The following PPP1R9A variants were observed in gnomAD, a reference collection of about 807,000 sequenced individuals.
PPP1R9A encodes the protein protein phosphatase 1 regulatory subunit 9A, also known as neurabin-1.
In PPP1R9A, 59 loss-of-function variants were observed where a neutral mutation model predicts 141.9. The observed-to-expected ratio is 0.42, with a 90% CI of 0.34 to 0.52. The LOEUF is 0.52. Among genes scored for constraint, PPP1R9A ranks in the 20% least tolerant of loss-of-function variants. PPP1R9A has a pLI of 0.10. For missense variants in PPP1R9A, 1,444 were observed against 1,611.9 expected (o/e 0.90, Z 1.78); for synonymous variants, 500 against 569.7 (o/e 0.88, Z 1.74).
chr7:95,248,443 A>G (rs1228096543), intron 9 of PPP1R9A, among the ~76,000 whole-genome samples: 2 of 152,080 alleles, frequency 1.3e-5, no homozygotes, highest in Admixed American at 1.3e-4. Flanking sequence ...AAATACGACT[A>G]TACATCATTC....
chr7:95,173,393 A>G (rs577291598), intron 5 of PPP1R9A, among the ~76,000 whole-genome samples: 1 of 152,106 alleles, frequency 6.6e-6, no homozygotes, highest in South Asian at 2.1e-4. Flanking sequence ...CAATATATCC[A>G]TGTAACAAAT....
At chr7:95,062,466 T>G (rs964704213) in intron 2 of PPP1R9A, among the ~76,000 whole-genome samples, 1 of 151,274 alleles carries the variant, frequency 6.6e-6, no homozygotes, top group African/African-American at 2.4e-5. Context: ...TCACCCAGGC[T>G]GGAGTACAGT....
At chr7:95,177,229 A>C (rs1176834401) in intron 5 of PPP1R9A, among the ~76,000 whole-genome samples, 9 of 152,168 alleles carry the variant, frequency 5.9e-5, no homozygotes, top group Admixed American at 5.9e-4. Flanking sequence ...TCCTCAAACA[A>C]AACAATGATC....
intron 5 of PPP1R9A, among the ~76,000 whole-genome samples, chr7:95,181,496 AATAT>A (rs1230216082): frequency 2.2e-5 from 3 of 137,888 alleles, no homozygotes; most frequent in Non-Finnish European, 4.5e-5. Flanking sequence ...ATATATATAG[AATAT>A]ATATAGAGAA....
chr7:95,083,390 G>C lies in PPP1R9A; in HGVS notation c.1396-27869G>C, dbSNP rs561544281. Among the ~76,000 whole-genome samples the C allele has an allele frequency of 1.8e-4, 28 of 152,032 alleles. No individual in the cohort carries two copies. The South Asian group carries it at 4.4e-3, about 24-fold the overall frequency. ...CACATTACATTCTTCAAGGGAGAAG[G>C]GAGGGAGAAGGTTACACAGTAACCT... is the stretch of plus-strand genomic sequence containing the variant. On this transcript the variant is annotated intron_variant, in intron 2 of 19. Coordinates refer to ENST00000433360, the MANE Select transcript of PPP1R9A (RefSeq NM_001166160.2).
chr7:95,261,840 A>G (rs1193268907), intron 12 of PPP1R9A, among the ~76,000 whole-genome samples: 3 of 152,178 alleles, frequency 2.0e-5, no homozygotes, highest in East Asian at 3.9e-4. Flanking sequence ...ATTCTTATAC[A>G]TCTATTATAT....
chr7:95,263,891 C>T (rs953611811), intron 12 of PPP1R9A, among the ~76,000 whole-genome samples: 1 of 152,066 alleles, frequency 6.6e-6, no homozygotes, highest in African/African-American at 2.4e-5. Context: ...TATTACATAC[C>T]ACTCTTCTAA....
chr7:94,913,647 T>C (rs1178091429), intron 2 of PPP1R9A, among the ~76,000 whole-genome samples: 5 of 152,184 alleles, frequency 3.3e-5, no homozygotes, highest in African/African-American at 7.2e-5. Flanking sequence ...GTGGATTCAC[T>C]TGGAAAATTT....
intron 5 of PPP1R9A, among the ~76,000 whole-genome samples, chr7:95,197,007 A>G (rs62467342): frequency 0.088 from 13,378 of 152,236 alleles, 848 homozygotes; most frequent in Non-Finnish European, 0.14. Flanking sequence ...ACTTAAAGAT[A>G]ATTTCAAAGT....
At chr7:95,095,579 C>CTGTATA (rs1220168768) in intron 2 of PPP1R9A, among the ~76,000 whole-genome samples, 1 of 152,178 alleles carries the variant, frequency 6.6e-6, no homozygotes, top group Non-Finnish European at 1.5e-5. Flanking sequence ...GTAGATTTAG[C>CTGTATA]TGTATATTGA....
intron 2 of PPP1R9A, among the ~76,000 whole-genome samples, chr7:94,954,846 T>A (rs928108469): frequency 3.1e-5 from 4 of 129,228 alleles, no homozygotes; most frequent in African/African-American, 1.1e-4. Context: ...TGTGTGTGTG[T>A]GTGTGTGTGT....
chr7:95,138,120 G>A (rs755069284), intron 4 of PPP1R9A, among the ~76,000 whole-genome samples: 163 of 151,944 alleles, frequency 1.1e-3, no homozygotes, highest in Non-Finnish European at 1.8e-3. Flanking sequence ...TTTTAGTAGA[G>A]ATGGGGTTTC....
chr7:95,030,100 A>G (rs1280227392), intron 2 of PPP1R9A, among the ~76,000 whole-genome samples: 1 of 152,168 alleles, frequency 6.6e-6, no homozygotes, highest in African/African-American at 2.4e-5. Flanking sequence ...AAGTTTCTCT[A>G]GGGTACTTCT....
chr7:95,254,041 A>T (rs1354511416), intron 12 of PPP1R9A, among the ~76,000 whole-genome samples: 1 of 152,110 alleles, frequency 6.6e-6, no homozygotes, highest in African/African-American at 2.4e-5. Flanking sequence ...GCTGATTTGG[A>T]TCAAAACCTT....
chr7:95,075,243 T>C (rs1388769255), intron 2 of PPP1R9A, among the ~76,000 whole-genome samples: 1 of 152,176 alleles, frequency 6.6e-6, no homozygotes, highest in East Asian at 1.9e-4. Flanking sequence ...CTTCAAAATA[T>C]CTTTGCCAAC....
intron 2 of PPP1R9A, among the ~76,000 whole-genome samples, chr7:95,011,233 A>G (rs1804374028): frequency 1.3e-5 from 2 of 152,318 alleles, no homozygotes; most frequent in South Asian, 4.1e-4. Flanking sequence ...TGGAATTACA[A>G]TAGAGCTTTC....
intron 2 of PPP1R9A, among the ~76,000 whole-genome samples, chr7:94,946,352 A>G (rs1021608439): frequency 7.2e-5 from 11 of 152,160 alleles, no homozygotes; most frequent in African/African-American, 2.7e-4. Context: ...TTAGAAGTCA[A>G]TATAACTAGG....
chr7:94,971,950 A>G (rs1381180686), intron 2 of PPP1R9A, among the ~76,000 whole-genome samples: 1 of 152,164 alleles, frequency 6.6e-6, no homozygotes, highest in African/African-American at 2.4e-5. Flanking sequence ...GTGTTGAAGA[A>G]GGCTTCCATC....
At chr7:95,155,176 T>C (rs113945726) in intron 4 of PPP1R9A, 1 of 129,924 alleles carries the variant, frequency 7.7e-6, no homozygotes, top group Admixed American at 8.8e-5. Flanking sequence ...GCCTTTTTTT[T>C]CTTTTTTTCT....
Sources: gnomAD v4.1 joint callset for allele counts (sites outside exome capture counted in the v4.1 genomes callset) on GRCh38, gnomAD v4.1.1 for gene constraint, MANE v1.5 for transcripts, NCBI Gene and HGNC (gene_info 2026-07-23, HGNC 2026-07-21) for gene names.